FAM193A: variants seen among roughly 807,000 people sequenced by gnomAD.
FAM193A encodes protein FAM193A.
A neutral mutation model predicts 126.5 loss-of-function variants in FAM193A; 22 were observed. The observed-to-expected ratio is 0.17, with a 90% CI of 0.12 to 0.25. The LOEUF (loss-of-function observed/expected upper bound fraction) is 0.25, where lower values mean the gene tolerates loss of function less well. Among genes scored for constraint, FAM193A ranks in the 10% least tolerant of loss-of-function variants. The pLI is 1.00. For missense variants in FAM193A, 1,675 were observed against 1,672.8 expected, an observed-to-expected ratio of 1.00 and a Z score of -0.02; for synonymous variants, 761 against 646.8, an observed-to-expected ratio of 1.18 and a Z score of -2.68.
At chr4:2,668,101 C>T (rs1713337092) in intron 12 of FAM193A, among the ~76,000 whole-genome samples, 1 of 152,034 alleles carries the variant, frequency 6.6e-6, no homozygotes, top group Non-Finnish European at 1.5e-5. Context: ...GACAAGGTCT[C>T]CCTGTGTTGC....
At chr4:2,730,162 C>T (rs1339494518) in intron 20 of FAM193A, among the ~76,000 whole-genome samples, 3 of 152,206 alleles carry the variant, frequency 2.0e-5, no homozygotes, top group Non-Finnish European at 2.9e-5. Flanking sequence ...CCAACCTCAG[C>T]CTCCCAAAGT....
chr4:2,610,541 T>C (rs879416578), intron 2 of FAM193A, among the ~76,000 whole-genome samples: 3 of 152,226 alleles, frequency 2.0e-5, no homozygotes, highest in Admixed American at 1.3e-4. Context: ...TGGTGATCTT[T>C]GGCTTTTTTC....
At chr4:2,719,740 CAAA>C (rs369345535) in intron 20 of FAM193A, among the ~76,000 whole-genome samples, 1 of 102,450 alleles carries the variant, frequency 9.8e-6, no homozygotes. Context: ...GAGACACTCT[CAAA>C]AAAAAAAAAA....
intron 12 of FAM193A, among the ~76,000 whole-genome samples, chr4:2,670,478 G>T (rs2109153244): frequency 6.6e-6 from 1 of 151,952 alleles, no homozygotes; most frequent in South Asian, 2.1e-4. Flanking sequence ...TTCCAGACAA[G>T]GTCTTGCTCT....
chr4:2,554,573 C>T (rs1444426837), intron 1 of FAM193A, among the ~76,000 whole-genome samples: 2 of 152,016 alleles, frequency 1.3e-5, no homozygotes, highest in Non-Finnish European at 2.9e-5. Context: ...CAATTAGATC[C>T]AGTTGGCTGA....
chr4:2,646,908 G>C, intron 7 of FAM193A, 76 bp downstream of exon 7: 2 of 1,455,238 alleles, frequency 1.4e-6, no homozygotes, highest in Admixed American at 2.3e-5. Context: ...CAAGTCACTA[G>C]CTTTGTCCTG....
At chr4:2,535,608 T>C (rs1401826628), upstream of FAM193A, among the ~76,000 whole-genome samples, 3 of 152,212 alleles carry the variant, frequency 2.0e-5, no homozygotes, top group African/African-American at 7.2e-5. Flanking sequence ...GAGCTCTGCC[T>C]GGGGCTCGCA....
chr4:2,639,679 C>A, intron 5 of FAM193A, 56 bp from the exon 6 acceptor site: 2 of 1,491,446 alleles, frequency 1.3e-6, no homozygotes, highest in Non-Finnish European at 1.8e-6. Context: ...TGGGAATTTT[C>A]TAGTCTTTAG....
At chr4:2,563,089 C>T (rs750947684) in intron 1 of FAM193A, among the ~76,000 whole-genome samples, 9 of 151,850 alleles carry the variant, frequency 5.9e-5, no homozygotes, top group Non-Finnish European at 1.2e-4. Flanking sequence ...GGATTACAGG[C>T]GCCTGCCACC....
intron 20 of FAM193A, among the ~76,000 whole-genome samples, chr4:2,725,300 C>A (rs1720604180): frequency 6.6e-6 from 1 of 151,686 alleles, no homozygotes; most frequent in South Asian, 2.1e-4. Context: ...GTAAAATCAG[C>A]TGGGCATGGT....
At chr4:2,545,392 A>T (rs1578563507) in intron 1 of FAM193A, among the ~76,000 whole-genome samples, 5 of 149,754 alleles carry the variant, frequency 3.3e-5, no homozygotes, top group Admixed American at 6.6e-5. Flanking sequence ...GCAGTGGATC[A>T]TTTTTTTTTT....
intron 10 of FAM193A, among the ~76,000 whole-genome samples, chr4:2,662,052 G>A (rs34034747): frequency 0.032 from 4,900 of 152,128 alleles, 97 homozygotes; most frequent in South Asian, 0.069. Flanking sequence ...GCGTGGTGGC[G>A]GGTGCTTGTA....
intron 13 of FAM193A, among the ~76,000 whole-genome samples, chr4:2,680,747 T>A (rs1715011709): frequency 6.6e-6 from 1 of 152,076 alleles, no homozygotes; most frequent in African/African-American, 2.4e-5. Flanking sequence ...GTTCAAGAGA[T>A]TCTCCTGCCT....
intron 1 of FAM193A, among the ~76,000 whole-genome samples, chr4:2,565,934 G>A (rs1449394658): frequency 2.6e-5 from 4 of 152,116 alleles, no homozygotes; most frequent in Admixed American, 2.6e-4. Flanking sequence ...AACCTTTGCT[G>A]TAATAAGTGG....
In FAM193A at chr4:2,626,499, A is replaced by G; in HGVS notation, c.725A>G (p.Gln242Arg). 2 of 702,612 alleles carry G rather than the reference A, an allele frequency of 2.8e-6. No individual in the cohort carries two copies. The highest frequency in any genetic ancestry group is 5.2e-6 in the Non-Finnish European group (2 of 384,950). 43.5% of individuals were successfully genotyped at this position (702,612 alleles called of 1,614,324 possible). ...TACACGGTGCGCTGCATCTACCGCC[A>G]GGCAGGAACCCCGCTGGCAGATGAC... ...VRYTVRCIYR[Q>R]AGTPLADDQD... The change falls in exon 4 of 21, where the codon CAG (glutamine) becomes CGG (arginine). Residue 242 changes from glutamine (Q) to arginine (R), a missense_variant. Coordinates refer to ENST00000637812, the MANE Select transcript of FAM193A (RefSeq NM_001366318.2).
At chr4:2,568,973 C>CTTTTTTTTTTTTTTTTTTTTTTGTT (rs753557878) in intron 1 of FAM193A, among the ~76,000 whole-genome samples, 34 of 90,706 alleles carry the variant, frequency 3.7e-4, no homozygotes, top group East Asian at 7.6e-4. Flanking sequence ...TGTTGTTTTG[C>CTTTTTTTTTTTTTTTTTTTTTTGTT]TTTTTTTTTT....
At chr4:2,555,126 C>G (rs897038775) in intron 1 of FAM193A, among the ~76,000 whole-genome samples, 2 of 152,096 alleles carry the variant, frequency 1.3e-5, no homozygotes, top group Non-Finnish European at 2.9e-5. Flanking sequence ...TTATAGGATG[C>G]TGCTTTGCAT....
At chr4:2,536,240 C>T (rs1038777732), upstream of FAM193A, among the ~76,000 whole-genome samples, 1 of 151,474 alleles carries the variant, frequency 6.6e-6, no homozygotes, top group Non-Finnish European at 1.5e-5. Flanking sequence ...TAGTTTGCCT[C>T]GCGGGCGGCG....
chr4:2,538,775 C>G (rs886832243), intron 1 of FAM193A, among the ~76,000 whole-genome samples: 2 of 152,050 alleles, frequency 1.3e-5, no homozygotes, highest in Non-Finnish European at 2.9e-5. Context: ...TCTATTGATT[C>G]AATAAAAACC....
Sources: gnomAD v4.1 joint callset for allele counts (sites outside exome capture counted in the v4.1 genomes callset) on GRCh38, gnomAD v4.1.1 for gene constraint, MANE v1.5 for transcripts, NCBI Gene and HGNC (gene_info 2026-07-23, HGNC 2026-07-21) for gene names.